Variants in ACBD6 observed in about 807,000 individuals in gnomAD.
ACBD6 encodes the protein acyl-CoA binding domain containing 6.
ACBD6 carries 28 observed loss-of-function variants against 37.2 expected under a neutral mutation model. The ratio of observed to expected loss-of-function variants is 0.75; its 90% CI spans 0.56 to 1.03. The LOEUF (loss-of-function observed/expected upper bound fraction) is 1.03, where lower values mean the gene tolerates loss of function less well. Ranked by LOEUF, ACBD6 falls within the 50% of genes least tolerant of loss-of-function variation. The probability of loss-of-function intolerance (pLI) is 0.00; values close to 1 mark genes in which losing one functional copy is unlikely to be tolerated. For missense variants in ACBD6, 340 were observed against 337.4 expected (o/e 1.01, Z -0.06); for synonymous variants, 113 against 126.8 (o/e 0.89, Z 0.73).
intron 3 of ACBD6, among the ~76,000 whole-genome samples, chr1:180,484,643 G>C (rs984310095): frequency 2.6e-5 from 4 of 152,096 alleles, no homozygotes; most frequent in African/African-American, 9.7e-5. Flanking sequence ...GGATATACAC[G>C]TGTCAGAGTA....
chr1:180,490,383 C>G (rs139690547), intron 3 of ACBD6, among the ~76,000 whole-genome samples: 2 of 151,896 alleles, frequency 1.3e-5, no homozygotes, highest in Non-Finnish European at 2.9e-5. Context: ...TTTCTCATGC[C>G]TATAATCCCA....
chr1:180,320,498 GCA>G (rs1558248385), intron 6 of ACBD6, among the ~76,000 whole-genome samples: 1 of 152,026 alleles, frequency 6.6e-6, no homozygotes, highest in African/African-American at 2.4e-5. Flanking sequence ...AATTAGCCAC[GCA>G]CAGTGGCTCA....
At chr1:180,304,126 T>C (rs2149285426) in intron 7 of ACBD6, among the ~76,000 whole-genome samples, 1 of 150,932 alleles carries the variant, frequency 6.6e-6, no homozygotes, top group Non-Finnish European at 1.5e-5. Context: ...AAGAGCTATC[T>C]ATGACAAACT....
chr1:180,274,561 G>C (rs1558227438), intron 10 of ACBD6: 1 of 1,584,070 alleles, frequency 6.3e-7, no homozygotes, highest in Admixed American at 1.7e-5. Flanking sequence ...TCGATGAAAT[G>C]GATCATCCTC....
At chr1:180,332,064 C>T (rs185423079) in intron 6 of ACBD6, among the ~76,000 whole-genome samples, 201 of 152,292 alleles carry the variant, frequency 1.3e-3, no homozygotes, top group African/African-American at 4.6e-3. Context: ...TTTGGAAACA[C>T]ACAAGGAATG....
At chr1:180,360,588 A>C (rs1392834463) in intron 6 of ACBD6, among the ~76,000 whole-genome samples, 3 of 152,134 alleles carry the variant, frequency 2.0e-5, no homozygotes, top group Non-Finnish European at 4.4e-5. Context: ...ATTCTAATGG[A>C]ATCTAACATT....
chr1:180,397,734 A>C (rs1349166812), intron 5 of ACBD6, 129 bp from the exon 6 acceptor site: 4 of 820,556 alleles, frequency 4.9e-6, no homozygotes, highest in African/African-American at 1.7e-5. Context: ...ATTGATATAA[A>C]AAATGCACTA....
intron 5 of ACBD6, among the ~76,000 whole-genome samples, chr1:180,399,857 T>C (rs1255318468): frequency 1.3e-5 from 2 of 151,116 alleles, no homozygotes; most frequent in African/African-American, 4.9e-5. Flanking sequence ...GTTCTAATTG[T>C]AAGTGTGCAT....
chr1:180,484,709 CAT>C (rs1651190570), intron 3 of ACBD6, among the ~76,000 whole-genome samples: 1 of 152,008 alleles, frequency 6.6e-6, no homozygotes. Context: ...ATGTATTCAA[CAT>C]GTGTATCTAC....
At chr1:180,286,300 T>G (rs1315007519), downstream of ACBD6, among the ~76,000 whole-genome samples, 1 of 152,240 alleles carries the variant, frequency 6.6e-6, no homozygotes, top group Non-Finnish European at 1.5e-5. Context: ...ATAAGTTATA[T>G]TCTTTGCTTA....
At chr1:180,413,546 T>G (rs901263832) in intron 4 of ACBD6, 75 bp from the exon 5 acceptor site, 1 of 1,169,574 alleles carries the variant, frequency 8.6e-7, no homozygotes, top group Non-Finnish European at 1.3e-6. Flanking sequence ...ACAATCTGTT[T>G]GCTGCTGACA....
intron 3 of ACBD6, among the ~76,000 whole-genome samples, chr1:180,476,250 T>C (rs1557886448): frequency 6.6e-6 from 1 of 152,214 alleles, no homozygotes; most frequent in Admixed American, 6.5e-5. Flanking sequence ...CTGTTTAAGT[T>C]ATATTATTAA....
chr1:180,324,873 G>T (rs940423845), intron 6 of ACBD6, among the ~76,000 whole-genome samples: 1 of 152,090 alleles, frequency 6.6e-6, no homozygotes, highest in East Asian at 1.9e-4. Flanking sequence ...ACTGTTCTAG[G>T]GTAAATTTTT....
intron 5 of ACBD6, among the ~76,000 whole-genome samples, chr1:180,406,259 AT>A (rs1021140415): frequency 6.5e-4 from 99 of 152,248 alleles, no homozygotes; most frequent in African/African-American, 2.2e-3. Context: ...ATTAAAAAAA[AT>A]ATTTACATTA....
chr1:180,339,095 A>G (rs1651864804), intron 6 of ACBD6, among the ~76,000 whole-genome samples: 1 of 152,266 alleles, frequency 6.6e-6, no homozygotes, highest in Non-Finnish European at 1.5e-5. Flanking sequence ...ACTGTAAACT[A>G]GCTCAACCAT....
Position 180,476,791 on chromosome 1 carries a change from G to A in ACBD6, c.384+15478C>T, listed in dbSNP as rs925323822. On this transcript the variant is annotated intron_variant, in intron 3 of 7. Coordinates refer to ENST00000367595, the MANE Select transcript of ACBD6 (RefSeq NM_032360.4). ...CAGTGAGCTGAGATCATGCCATTGCGCTCAGCCTGGGCAACAGAGTGAGAC... is the reference window on the plus strand; with the variant it reads ...CAGTGAGCTGAGATCATGCCATTGCACTCAGCCTGGGCAACAGAGTGAGAC... Among the ~76,000 whole-genome samples, 8 of 151,936 alleles carry A rather than the reference G, an allele frequency of 5.3e-5. No individual in the cohort carries two copies. In the East Asian group the frequency reaches 9.7e-4, roughly 18 times the overall value.
chr1:180,487,808 C>T (rs1651333106), intron 3 of ACBD6, among the ~76,000 whole-genome samples: 1 of 152,082 alleles, frequency 6.6e-6, no homozygotes, highest in Non-Finnish European at 1.5e-5. Context: ...ACACCTTAAA[C>T]TACAAAAGTT....
At chr1:180,439,240 C>T (rs933420347) in intron 3 of ACBD6, among the ~76,000 whole-genome samples, 3 of 152,104 alleles carry the variant, frequency 2.0e-5, no homozygotes, top group Admixed American at 6.5e-5. Flanking sequence ...GACTCTTTAC[C>T]GTAAATGGGA....
chr1:180,413,457 T>A lies in ACBD6; in HGVS notation c.482A>T (p.Asn161Ile), dbSNP rs749087578. 3 of 1,612,058 alleles carry A rather than the reference T, an allele frequency of 1.9e-6. No individual in the cohort carries two copies. Among genetic ancestry groups the A allele is most frequent in the Non-Finnish European group, 2.5e-6 (3 of 1,179,204 alleles). The change falls in exon 5 of 8, where the codon AAT (asparagine) becomes ATT (isoleucine). Residue 161 changes from asparagine (N) to isoleucine (I), a missense_variant. Transcript: ENST00000367595. ...GTTTTCCCTGCAGTAATCAAATATA[T>A]TTTTGTCTTCTTCCCTAGAATAAAA... is the stretch of plus-strand genomic sequence containing the variant. ...HEETIREEDK[N>I]IFDYCRENNI...
Sources: gnomAD v4.1 joint callset for allele counts (sites outside exome capture counted in the v4.1 genomes callset) on GRCh38, gnomAD v4.1.1 for gene constraint, MANE v1.5 for transcripts, NCBI Gene and HGNC (gene_info 2026-07-23, HGNC 2026-07-21) for gene names.